UBE2S: variants seen among roughly 807,000 people sequenced by gnomAD.
UBE2S encodes the protein ubiquitin conjugating enzyme E2 S.
UBE2S carries 3 observed loss-of-function variants against 12.3 expected under a neutral mutation model. The ratio of observed to expected loss-of-function variants is 0.24; its 90% CI spans 0.11 to 0.63. The LOEUF (loss-of-function observed/expected upper bound fraction) is 0.63. Ranked by LOEUF, UBE2S falls within the 30% of genes least tolerant of loss-of-function variation. The pLI is 0.85. For synonymous variants in UBE2S, 133 were observed against 142.0 expected (o/e 0.94, Z 0.45); for missense variants, 211 against 313.9 (o/e 0.67, Z 2.48).
chr19:55,407,633 C>A lies in UBE2S; in HGVS notation c.-44G>T, dbSNP rs1199153350. On this transcript the variant is annotated 5_prime_UTR_variant, in exon 1 of 4. Coordinates refer to ENST00000264552, the MANE Select transcript of UBE2S (RefSeq NM_014501.3). Reference sequence around the variant, plus strand: ...GCGGGTCCCCCCGGCCCCCTTCCTGCGTTCTTCGGTCCGCCGGCCGGGGCG... The same window carrying A: ...GCGGGTCCCCCCGGCCCCCTTCCTGAGTTCTTCGGTCCGCCGGCCGGGGCG... The A allele has an allele frequency of 4.5e-6, 6 of 1,331,640 alleles. No individual in the cohort carries two copies. Among genetic ancestry groups the A allele is most frequent in the Admixed American group, 4.0e-5 (1 of 24,926 alleles). 82.5% of individuals were successfully genotyped at this position (1,331,640 alleles called of 1,614,324 possible).
chr19:55,406,694 A>G, intron 2 of UBE2S, 121 bp downstream of exon 2: 2 of 1,279,640 alleles, frequency 1.6e-6, no homozygotes, highest in South Asian at 3.1e-5. Context: ...CCTGTCCACC[A>G]ATGCATCCCA....
At position 55,401,822 on chromosome 19, in the gene UBE2S, C is replaced by CCA. The variant is rs567771832; in HGVS notation, c.343-62_343-61dup. On this transcript the variant is annotated intron_variant, in intron 3 of 3. Transcript: ENST00000264552. ...GCAACCTACAGGGACCCCCAGGCCT[C>CCA]CACAAGAGGGTGGCCTCCGCACTGG... The CCA allele has an allele frequency of 1.6e-4, 252 of 1,586,218 alleles. No homozygotes were observed. In the African/African-American group the frequency reaches 3.1e-3, roughly 20 times the overall value.
intron 1 of UBE2S, among the ~76,000 whole-genome samples, chr19:55,407,379 G>C (rs1193869996): frequency 6.6e-6 from 1 of 152,164 alleles, no homozygotes; most frequent in Admixed American, 6.5e-5. Flanking sequence ...GGGCCGCAAA[G>C]CGCCCGGAGC....
intron 3 of UBE2S, chr19:55,402,921 G>T (rs1362613668): frequency 6.6e-7 from 1 of 1,524,506 alleles, no homozygotes; most frequent in Non-Finnish European, 8.8e-7. Context: ...TTAGAAATTT[G>T]GTTAACTTTT....
intron 3 of UBE2S, chr19:55,403,338 A>T: frequency 1.9e-6 from 1 of 516,278 alleles, no homozygotes; most frequent in Non-Finnish European, 3.4e-6. Flanking sequence ...AAAATATAAA[A>T]ACTAGCTGGG....
chr19:55,406,445 G>A (rs999713248), intron 2 of UBE2S, among the ~76,000 whole-genome samples: 1 of 152,144 alleles, frequency 6.6e-6, no homozygotes, highest in South Asian at 2.1e-4. Flanking sequence ...ACTCACAGCA[G>A]GATGGAGTTT....
rs1348281547 is a variant in UBE2S, at chr19:55,400,841, C to T, written c.*595G>A. ...GCTTTGCTGCCCACAAGGGAAAAAC[C>T]AATCTTTAGCACAAAGCAGGATCAG... On this transcript the variant is annotated 3_prime_UTR_variant, in exon 4 of 4. Transcript: ENST00000264552. 1 of 152,924 alleles carries T rather than the reference C, an allele frequency of 6.5e-6. No individual in the cohort carries two copies. The highest frequency in any genetic ancestry group is 1.5e-5 in the Non-Finnish European group (1 of 68,594). The allele number at this position is 152,924 out of a possible 1,614,324, so 9.5% of individuals were successfully genotyped here.
chr19:55,402,036 G>A (rs1023033151), intron 3 of UBE2S, among the ~76,000 whole-genome samples: 2 of 152,200 alleles, frequency 1.3e-5, no homozygotes, highest in South Asian at 2.1e-4. Flanking sequence ...GGAACTTGCT[G>A]GGTAACGGGG....
chr19:55,402,763 A>G (rs1239244006), intron 3 of UBE2S, among the ~76,000 whole-genome samples: 2 of 152,150 alleles, frequency 1.3e-5, no homozygotes, highest in African/African-American at 2.4e-5. Flanking sequence ...TGTCCCCAGC[A>G]GCCTCCAATG....
chr19:55,402,697 C>A (rs1323134399), intron 3 of UBE2S, among the ~76,000 whole-genome samples: 1 of 152,178 alleles, frequency 6.6e-6, no homozygotes, highest in Admixed American at 6.5e-5. Context: ...CTGGCTGAGC[C>A]CCTGACAGGC....
rs1600324200 is a variant in UBE2S, at chr19:55,407,516, C to T, written c.3+71G>A. The T allele has an allele frequency of 5.4e-6, 8 of 1,488,046 alleles. No homozygotes were observed. In the Admixed American group the frequency reaches 6.4e-5, roughly 12 times the overall value. 92.2% of individuals were successfully genotyped at this position (1,488,046 alleles called of 1,614,324 possible). A position where few individuals can be genotyped will look rare whatever the true frequency, so the allele number is the denominator to read the frequency against. ...ACCCCTCAAGGCCGCCCGTCGGAGG[C>T]CCCTGAGACTCCACCTCCTCCCTCA... On this transcript the variant is annotated intron_variant, in intron 1 of 3. Transcript: ENST00000264552.
In UBE2S at chr19:55,401,256, C is replaced by T. The variant is rs2090055511; in HGVS notation, c.*180G>A. 5.4e-6 allele frequency: 4 copies of T among 742,572 alleles called. No individual in the cohort carries two copies. The highest frequency in any genetic ancestry group is 2.9e-5 in the Admixed American group (1 of 34,882). 46.0% of individuals were successfully genotyped at this position (742,572 alleles called of 1,614,324 possible). ...GAGCCACATGGCACCATGCAGCGGT[C>T]CTGGGGCATCTGTGAGACACAGAAG... On this transcript the variant is annotated 3_prime_UTR_variant, in exon 4 of 4. Coordinates refer to ENST00000264552, the MANE Select transcript of UBE2S (RefSeq NM_014501.3).
Position 55,404,151 on chromosome 19 carries a change from G to A in UBE2S, c.342+137C>T. 1.7e-6 allele frequency: 2 copies of A among 1,164,912 alleles called. No individual in the cohort carries two copies. Among genetic ancestry groups the A allele is most frequent in the African/African-American group, 1.5e-5 (1 of 64,712 alleles). The allele number at this position is 1,164,912 out of a possible 1,614,324, so 72.2% of individuals were successfully genotyped here. A position where few individuals can be genotyped will look rare whatever the true frequency, so the allele number is the denominator to read the frequency against. ...ACTGTTTGTCTTTCCAGGAAAGCTA[G>A]CAACATGGATTTTTATGTGGAAACC... is the stretch of plus-strand genomic sequence containing the variant. On this transcript the variant is annotated intron_variant, in intron 3 of 3. Transcript: ENST00000264552. The surrounding 1 kb of genome is among the most constrained non-coding windows in gnomAD (Gnocchi z 4.4).
intron 1 of UBE2S, 118 bp downstream of exon 1, chr19:55,407,469 G>T (rs1054592255): frequency 4.2e-5 from 49 of 1,157,326 alleles, no homozygotes; most frequent in Non-Finnish European, 5.3e-5. Context: ...CCCGGGTCAG[G>T]GACCCCCAGG....
Position 55,404,259 on chromosome 19 carries a change from A to AGGAGGCC in UBE2S, c.342+22_342+28dup. 1 of 1,611,590 alleles carries AGGAGGCC rather than the reference A, an allele frequency of 6.2e-7. No individual in the cohort carries two copies. Among genetic ancestry groups the AGGAGGCC allele is most frequent in the African/African-American group, 1.3e-5 (1 of 74,970 alleles). ...CAGCAGACCTCCAGAGGCAGGAGGC[A>AGGAGGCC]GGAGGCCCAGCCCCAGCCCAGAACT... On this transcript the variant is annotated intron_variant, in intron 3 of 3. Coordinates refer to ENST00000264552, the MANE Select transcript of UBE2S (RefSeq NM_014501.3). This position sits in a 1 kb window ranked among gnomAD's most constrained non-coding sequence, Gnocchi z 4.4.
At chr19:55,407,529 A>G in intron 1 of UBE2S, 58 bp downstream of exon 1, 1 of 1,518,252 alleles carries the variant, frequency 6.6e-7, no homozygotes, top group Non-Finnish European at 8.8e-7. Context: ...CTGAGACTCC[A>G]CCTCCTCCCT....
rs2090049908 is a variant in UBE2S, at chr19:55,400,591, G to C, written c.*845C>G. The C allele has an allele frequency of 6.6e-6, 1 of 152,248 alleles. No individual in the cohort carries two copies. Among genetic ancestry groups the C allele is most frequent in the African/African-American group, 2.4e-5 (1 of 41,452 alleles). 9.4% of individuals were successfully genotyped at this position (152,248 alleles called of 1,614,324 possible). Reference sequence around the variant, plus strand: ...GCCCAAGGAGGGGCAGCTTCTTGGAGCTAAGACCCTAGTTCTACGAGGACT... The same window carrying C: ...GCCCAAGGAGGGGCAGCTTCTTGGACCTAAGACCCTAGTTCTACGAGGACT... On this transcript the variant is annotated 3_prime_UTR_variant, in exon 4 of 4. Transcript: ENST00000264552.
chr19:55,407,582 C>T lies in UBE2S; in HGVS notation c.3+5G>A. ...ACCTTCATGGGCCTCATCGCCCGTG[C>T]TCACCATGGCTGCGGCCGGCCGGGG... On this transcript the variant is annotated splice_donor_5th_base_variant and intron_variant, in intron 1 of 3. Coordinates refer to ENST00000264552, the MANE Select transcript of UBE2S (RefSeq NM_014501.3). 1.5e-5 allele frequency: 22 copies of T among 1,467,822 alleles called. No homozygotes were observed. The highest frequency in any genetic ancestry group is 1.9e-5 in the Non-Finnish European group (21 of 1,114,486). 90.9% of individuals were successfully genotyped at this position (1,467,822 alleles called of 1,614,324 possible).
rs1237451117 is a variant in UBE2S at position 55,404,518 on chromosome 19, A to T, written c.152-40T>A. On this transcript the variant is annotated intron_variant, in intron 2 of 3. Transcript: ENST00000264552. The surrounding 1 kb of genome is among the most constrained non-coding windows in gnomAD (Gnocchi z 4.4). ...GGGGTACAGGGTCAGGGCACTCAGG[A>T]GTCCCAAGGCACCTCAACACCCCAA... The T allele has an allele frequency of 6.5e-7, 1 of 1,542,250 alleles. No homozygotes were observed. Among genetic ancestry groups the T allele is most frequent in the Non-Finnish European group, 8.8e-7 (1 of 1,141,360 alleles).
Sources: allele counts gnomAD v4.1 joint callset (sites outside exome capture counted in the v4.1 genomes callset), GRCh38; gene constraint gnomAD v4.1.1; non-coding constraint Gnocchi (gnomAD v3.1); transcripts MANE v1.5; gene names NCBI Gene and HGNC (gene_info 2026-07-23, HGNC 2026-07-21).